The following EEPD1 variants were observed in gnomAD, a reference collection of about 807,000 sequenced individuals.
EEPD1 encodes the protein endonuclease/exonuclease/phosphatase family domain-containing protein 1.
EEPD1 carries 17 observed loss-of-function variants against 46.3 expected under a neutral mutation model. The observed-to-expected ratio is 0.37, with a 90% CI of 0.25 to 0.55. The LOEUF (loss-of-function observed/expected upper bound fraction) is 0.55, where lower values mean the gene tolerates loss of function less well. Ranked by LOEUF, EEPD1 falls within the 20% of genes least tolerant of loss-of-function variation. EEPD1 has a pLI of 0.83. For synonymous variants in EEPD1, 313 were observed against 315.6 expected, an observed-to-expected ratio of 0.99 and a Z score of 0.09; for missense variants, 673 against 745.6, an observed-to-expected ratio of 0.90 and a Z score of 1.13.
intron 3 of EEPD1, among the ~76,000 whole-genome samples, chr7:36,251,186 TCCTCTATA>T (rs776464627): frequency 7.2e-5 from 11 of 152,324 alleles, no homozygotes; most frequent in Non-Finnish European, 1.3e-4. Flanking sequence ...GCCATTTCCT[TCCTCTATA>T]ACTTCAGACA....
At chr7:36,236,469 C>T (rs893198149) in intron 2 of EEPD1, among the ~76,000 whole-genome samples, 1 of 152,224 alleles carries the variant, frequency 6.6e-6, no homozygotes, top group Non-Finnish European at 1.5e-5. Context: ...AGCCGGTCTC[C>T]GTCTCTTTCT....
intron 2 of EEPD1, among the ~76,000 whole-genome samples, chr7:36,185,990 C>T (rs1032946325): frequency 3.9e-5 from 6 of 152,120 alleles, no homozygotes; most frequent in Admixed American, 6.5e-5. Context: ...TCTACTATGT[C>T]GACATATTTG....
intron 3 of EEPD1, among the ~76,000 whole-genome samples, chr7:36,263,496 T>G (rs987849229): frequency 6.6e-6 from 1 of 152,228 alleles, no homozygotes; most frequent in Non-Finnish European, 1.5e-5. Context: ...TCTAAGAGGC[T>G]ACATGGAAGC....
intron 2 of EEPD1, among the ~76,000 whole-genome samples, chr7:36,215,443 T>G (rs540259697): frequency 2.1e-4 from 32 of 152,238 alleles, no homozygotes; most frequent in African/African-American, 7.0e-4. Flanking sequence ...AGGTGGAACG[T>G]TTTCCTCTTT....
At chr7:36,223,139 A>G (rs1273053562) in intron 2 of EEPD1, among the ~76,000 whole-genome samples, 4 of 149,242 alleles carry the variant, frequency 2.7e-5, no homozygotes, top group Non-Finnish European at 6.0e-5. Context: ...CGACAGAGTG[A>G]GACTGTGTCT....
At chr7:36,214,114 C>T (rs977360074) in intron 2 of EEPD1, among the ~76,000 whole-genome samples, 1 of 152,180 alleles carries the variant, frequency 6.6e-6, no homozygotes, top group Admixed American at 6.5e-5. Flanking sequence ...AAAGAGCAAG[C>T]TGTCTTAGAG....
At chr7:36,263,188 C>T (rs781179052) in intron 3 of EEPD1, among the ~76,000 whole-genome samples, 7 of 151,864 alleles carry the variant, frequency 4.6e-5, no homozygotes, top group East Asian at 1.9e-4. Flanking sequence ...AAAAATTGGC[C>T]GGGTGTGGCG....
rs557172557 is a variant in EEPD1 at position 36,299,395 on chromosome 7, C to T, written c.*189C>T. On this transcript the variant is annotated 3_prime_UTR_variant, in exon 8 of 8. Transcript: ENST00000242108. ...TCCAGTGGGGGTGGCGTGCCAGGCG[C>T]GTACCCCACCAGGTGGGCAAAGCAG... The T allele has an allele frequency of 2.1e-5, 15 of 699,324 alleles. No homozygotes were observed. The highest frequency in any genetic ancestry group is 4.1e-4 in the Middle Eastern group (1 of 2,460). The allele number at this position is 699,324 out of a possible 1,614,324, so 43.3% of individuals were successfully genotyped here.
At chr7:36,263,379 C>G (rs1214207972) in intron 3 of EEPD1, among the ~76,000 whole-genome samples, 1 of 152,056 alleles carries the variant, frequency 6.6e-6, no homozygotes, top group Non-Finnish European at 1.5e-5. Context: ...AAGAAGACAG[C>G]CAAAGAAAAC....
chr7:36,252,945 C>T lies in EEPD1; in HGVS notation c.930+13909C>T, dbSNP rs1425179721. Among the ~76,000 whole-genome samples, 3 of 135,558 alleles carry T rather than the reference C, an allele frequency of 2.2e-5. No homozygotes were observed. The Admixed American group carries it at 2.5e-4, about 11-fold the overall frequency. The allele number at this position is 135,558 out of a possible 152,430, so 88.9% of individuals were successfully genotyped here. A position where few individuals can be genotyped will look rare whatever the true frequency, so the allele number is the denominator to read the frequency against. On this transcript the variant is annotated intron_variant, in intron 3 of 7. Transcript: ENST00000242108. The stretch of plus-strand genomic sequence containing the variant: ...ATTGGTTTTTCTGGGTTTTTATTTT[C>T]CTATCCTCTATTTCATTAATTTCTG...
chr7:36,297,909 C>T (rs1408957077), intron 7 of EEPD1, among the ~76,000 whole-genome samples: 4 of 152,144 alleles, frequency 2.6e-5, no homozygotes, highest in Admixed American at 6.6e-5. Flanking sequence ...GGACATTTTG[C>T]GAAGCCCCAC....
chr7:36,160,686 G>GGGC (rs1717747629), intron 2 of EEPD1, among the ~76,000 whole-genome samples: 2 of 149,362 alleles, frequency 1.3e-5, no homozygotes, highest in Non-Finnish European at 3.0e-5. Flanking sequence ...TGGGGGGCGG[G>GGGC]GCGTGCATGG....
chr7:36,190,723 A>G (rs756728484), intron 2 of EEPD1, among the ~76,000 whole-genome samples: 16 of 152,228 alleles, frequency 1.1e-4, no homozygotes, highest in Non-Finnish European at 2.2e-4. Flanking sequence ...CACAAAAATA[A>G]TACTAATCCA....
intron 3 of EEPD1, among the ~76,000 whole-genome samples, chr7:36,261,190 A>G (rs1786916373): frequency 1.3e-5 from 2 of 152,182 alleles, no homozygotes; most frequent in Admixed American, 1.3e-4. Context: ...GCAGAAAAAT[A>G]GAATATACCA....
At chr7:36,173,298 C>T (rs945838073) in intron 2 of EEPD1, among the ~76,000 whole-genome samples, 19 of 139,568 alleles carry the variant, frequency 1.4e-4, no homozygotes, top group Non-Finnish European at 2.1e-4. Flanking sequence ...ACCATCGTGG[C>T]CAACATGGTG....
chr7:36,275,596 G>A (rs1050253182), intron 3 of EEPD1, among the ~76,000 whole-genome samples: 5 of 151,966 alleles, frequency 3.3e-5, no homozygotes, highest in Non-Finnish European at 5.9e-5. Context: ...ACAGGCACGC[G>A]CCACCACGCC....
At chr7:36,195,165 G>A (rs1306859939) in intron 2 of EEPD1, among the ~76,000 whole-genome samples, 3 of 152,242 alleles carry the variant, frequency 2.0e-5, no homozygotes, top group Non-Finnish European at 4.4e-5. Flanking sequence ...TCTTAGTAAC[G>A]TGGGAGGGGA....
intron 3 of EEPD1, among the ~76,000 whole-genome samples, chr7:36,240,463 G>A (rs1786538333): frequency 6.6e-6 from 1 of 152,094 alleles, no homozygotes. Flanking sequence ...CCTCAGAGAG[G>A]CAAAGTGAGA....
chr7:36,179,988 T>C (rs1583791050), intron 2 of EEPD1, among the ~76,000 whole-genome samples: 1 of 151,900 alleles, frequency 6.6e-6, no homozygotes, highest in African/African-American at 2.4e-5. Flanking sequence ...CCGGGGTGGG[T>C]GTTGAGCCTC....
Sources: gnomAD v4.1 joint callset for allele counts (sites outside exome capture counted in the v4.1 genomes callset) on GRCh38, gnomAD v4.1.1 for gene constraint, MANE v1.5 for transcripts, NCBI Gene and HGNC (gene_info 2026-07-23, HGNC 2026-07-21) for gene names.